RS1: variants seen among roughly 807,000 people sequenced by gnomAD.
RS1 encodes retinoschisin 1.
Under a neutral mutation model 20.8 loss-of-function variants are expected in RS1, and 2 were observed. That is an observed-to-expected ratio of 0.10 (90% confidence interval 0.04 to 0.30). RS1 has a LOEUF of 0.30. RS1 is among the 10% of genes least tolerant of loss of function. The probability of loss-of-function intolerance (pLI) is 1.00; values close to 1 mark genes in which losing one functional copy is unlikely to be tolerated. For synonymous variants in RS1, 70 were observed against 75.8 expected (o/e 0.92, Z 0.40); for missense variants, 151 against 189.8 (o/e 0.80, Z 1.20).
intron 3 of RS1, chrX:18,653,539 A>G: frequency 8.3e-7 from 1 of 1,211,953 alleles, no homozygotes. Context: ...ACTGACGGGC[A>G]AGTGACTTCT....
Position 18,640,843 on chromosome X carries a change from G to T in RS1, c.*1161C>A, listed in dbSNP as rs1178719446. On this transcript the variant is annotated 3_prime_UTR_variant, in exon 6 of 6. Transcript: ENST00000379984. ...CCCCCGTGTTAACAGCCTCTCCCAG[G>T]AAGGGGCCTGGAAACTCAGGCTGCG... 8.9e-6 allele frequency: 1 copy of T among 112,453 alleles called. No individual in the cohort carries two copies. The highest frequency in any genetic ancestry group is 1.9e-5 in the Non-Finnish European group (1 of 53,219). 9.3% of individuals were successfully genotyped at this position (112,453 alleles called of 1,213,427 possible). A position where few individuals can be genotyped will look rare whatever the true frequency, so the allele number is the denominator to read the frequency against.
At chrX:18,668,807 G>A (rs889317888) in intron 1 of RS1, among the ~76,000 whole-genome samples, 3 of 111,969 alleles carry the variant, frequency 2.7e-5, no homozygotes, top group Non-Finnish European at 5.6e-5. Flanking sequence ...AAGTCGATCC[G>A]TGGTTGCCCA....
intron 2 of RS1, 33 bp downstream of exon 2, chrX:18,657,607 C>T: frequency 8.9e-7 from 1 of 1,128,410 alleles, no homozygotes; most frequent in South Asian, 1.8e-5. Context: ...AAGTACTATG[C>T]ATGTACATTA....
At chrX:18,663,148 C>G (rs1482326417) in intron 1 of RS1, among the ~76,000 whole-genome samples, 1 of 105,550 alleles carries the variant, frequency 9.5e-6, no homozygotes, top group Non-Finnish European at 1.9e-5. Flanking sequence ...AAGCGATTCT[C>G]CTGCCTCAGC....
chrX:18,661,697 C>T (rs779256641), intron 1 of RS1, among the ~76,000 whole-genome samples: 1 of 111,760 alleles, frequency 8.9e-6, no homozygotes, highest in East Asian at 2.8e-4. Context: ...CACTCTTCTC[C>T]GACAGCCTGG....
At chrX:18,643,080 G>C (rs1288993151) in intron 5 of RS1, among the ~76,000 whole-genome samples, 2 of 111,638 alleles carry the variant, frequency 1.8e-5, no homozygotes, top group Non-Finnish European at 3.8e-5. Context: ...CTCGAAGGAA[G>C]ATTCTGGAAA....
intron 4 of RS1, among the ~76,000 whole-genome samples, chrX:18,646,641 C>T (rs910217122): frequency 2.7e-5 from 3 of 111,675 alleles, no homozygotes; most frequent in Admixed American, 9.5e-5. Context: ...ATCTGACCTC[C>T]GCTTGCCTCT....
At chrX:18,668,259 A>G (rs370172246) in intron 1 of RS1, among the ~76,000 whole-genome samples, 20 of 112,429 alleles carry the variant, frequency 1.8e-4, no homozygotes, top group African/African-American at 6.4e-4. Context: ...GATTTATGCA[A>G]TATGGGCTCA....
intron 3 of RS1, chrX:18,653,548 C>T (rs187317325): frequency 8.3e-7 from 1 of 1,209,233 alleles, no homozygotes; most frequent in East Asian, 3.0e-5. Flanking sequence ...CAAGTGACTT[C>T]TGCAAGCCTG....
intron 5 of RS1, among the ~76,000 whole-genome samples, chrX:18,643,104 C>T (rs896565370): frequency 9.0e-6 from 1 of 111,127 alleles, no homozygotes; most frequent in African/African-American, 3.3e-5. Flanking sequence ...GAGGGTGGTG[C>T]CAGAGTAAAG....
chrX:18,662,696 T>C (rs1215056015), intron 1 of RS1, among the ~76,000 whole-genome samples: 1 of 106,941 alleles, frequency 9.4e-6, no homozygotes, highest in Non-Finnish European at 1.9e-5. Flanking sequence ...GGCGCGATCT[T>C]GGCTCACTGC....
At chrX:18,654,998 C>G (rs1189419042) in intron 3 of RS1, among the ~76,000 whole-genome samples, 1 of 104,743 alleles carries the variant, frequency 9.5e-6, no homozygotes, top group Non-Finnish European at 2.0e-5. Context: ...CATCATAACC[C>G]TGGAGAGGCA....
At chrX:18,654,251 C>T (rs1230843765) in intron 3 of RS1, among the ~76,000 whole-genome samples, 2 of 106,896 alleles carry the variant, frequency 1.9e-5, no homozygotes, top group South Asian at 8.8e-4. Flanking sequence ...ACCTCCAGGG[C>T]TCAAGCGATC....
intron 4 of RS1, chrX:18,646,039 C>A (rs1191207828): frequency 8.3e-7 from 1 of 1,210,077 alleles, no homozygotes; most frequent in Admixed American, 2.2e-5. Flanking sequence ...ACAGAGACAC[C>A]ATTCTGGACC....
chrX:18,651,264 T>TGTGTGTGAGAGA (rs1491242962), intron 3 of RS1, among the ~76,000 whole-genome samples: 9 of 69,012 alleles, frequency 1.3e-4, no homozygotes, highest in African/African-American at 5.6e-4. Flanking sequence ...TGTGTGTGTG[T>TGTGTGTGAGAGA]GAGAGAGAGA....
intron 1 of RS1, among the ~76,000 whole-genome samples, chrX:18,664,554 G>C (rs1388890428): frequency 9.0e-6 from 1 of 110,817 alleles, no homozygotes; most frequent in African/African-American, 3.3e-5. Context: ...CTTGAGCTGG[G>C]GAGGCGGAGG....
At chrX:18,667,920 AC>A (rs1211391174) in intron 1 of RS1, among the ~76,000 whole-genome samples, 1 of 112,106 alleles carries the variant, frequency 8.9e-6, no homozygotes, top group African/African-American at 3.2e-5. Flanking sequence ...AAAAGCTGTC[AC>A]CAAAGGAGAA....
chrX:18,669,509 T>C (rs868290885), intron 1 of RS1, among the ~76,000 whole-genome samples: 1 of 72,133 alleles, frequency 1.4e-5, no homozygotes, highest in African/African-American at 4.7e-5. Flanking sequence ...AAAAAAGACA[T>C]AGGAAATGCC....
chrX:18,646,435 G>A (rs1927776489), intron 4 of RS1, among the ~76,000 whole-genome samples: 1 of 112,766 alleles, frequency 8.9e-6, no homozygotes, highest in Non-Finnish European at 1.9e-5. Flanking sequence ...GATTACAGGC[G>A]TAAGCCACTG....
Sources: allele counts gnomAD v4.1 joint callset (sites outside exome capture counted in the v4.1 genomes callset), GRCh38; gene constraint gnomAD v4.1.1; transcripts MANE v1.5; gene names NCBI Gene and HGNC (gene_info 2026-07-23, HGNC 2026-07-21).